The following ERAP1 variants were observed in gnomAD, a reference collection of about 807,000 sequenced individuals.
ERAP1 encodes the protein endoplasmic reticulum aminopeptidase 1, also known as adipocyte-derived leucine aminopeptidase.
Under a neutral mutation model 103.7 loss-of-function variants are expected in ERAP1, and 86 were observed. The observed-to-expected ratio is 0.83, with a 90% confidence interval of 0.70 to 0.99. The LOEUF is 0.99. ERAP1 is among the 50% of genes least tolerant of loss of function. The pLI, the probability that ERAP1 is intolerant of heterozygous loss-of-function variation, is 0.00. For missense variants in ERAP1, 1,009 were observed against 1,128.4 expected (o/e 0.89, Z 1.52); for synonymous variants, 398 against 402.4 (o/e 0.99, Z 0.13).
the ERAP1 span, chr5:96,823,056 G>A: frequency 3.3e-5 from 15 of 456,108 alleles, no homozygotes; most frequent in African/African-American, 2.4e-4. Context: ...ACTGGAGGCC[G>A]CCCTCATCTC....
the ERAP1 span, chr5:96,903,229 G>A: frequency 3.4e-6 from 2 of 586,838 alleles, no homozygotes; most frequent in Non-Finnish European, 5.7e-6. Flanking sequence ...ATCATCCAGT[G>A]AACTACGAAA....
the ERAP1 span, among the ~76,000 whole-genome samples, chr5:96,885,785 G>T: frequency 6.6e-6 from 1 of 152,134 alleles, no homozygotes; most frequent in South Asian, 2.1e-4. Flanking sequence ...TTCAGTATTT[G>T]GGGGCATTGT....
chr5:96,784,117 A>T (rs779671972), intron 13 of ERAP1, 37 bp from the exon 14 acceptor site: 2 of 1,611,432 alleles, frequency 1.2e-6, no homozygotes, highest in East Asian at 4.5e-5. Context: ...GTTTAAAAGT[A>T]AATCCGGGAA....
the ERAP1 span, among the ~76,000 whole-genome samples, chr5:96,881,817 A>C: frequency 6.6e-6 from 1 of 152,150 alleles, no homozygotes; most frequent in Non-Finnish European, 1.5e-5. Context: ...ACTTGAATCT[A>C]ACACTCTTTA....
upstream of ERAP1, chr5:96,808,262 T>TGTGTGTGTGTGTGTG (rs1189381131): frequency 4.3e-6 from 3 of 700,870 alleles, no homozygotes; most frequent in Admixed American, 1.1e-4. Flanking sequence ...GTGTGTGTGT[T>TGTGTGTGTGTGTGTG]GAGATGCTTT....
chr5:96,847,297 C>T, the ERAP1 span, among the ~76,000 whole-genome samples: 4 of 148,974 alleles, frequency 2.7e-5, no homozygotes, highest in Non-Finnish European at 4.5e-5. Flanking sequence ...ATACAGCTTT[C>T]AAAACTTGTT....
the ERAP1 span, among the ~76,000 whole-genome samples, chr5:96,852,108 TG>T: frequency 0.047 from 7,151 of 152,342 alleles, 210 homozygotes; most frequent in South Asian, 0.11. Flanking sequence ...ACTTACTCTG[TG>T]GGAAAAGCTT....
At chr5:96,883,704 G>A in the ERAP1 span, 3 of 1,365,096 alleles carry the variant, frequency 2.2e-6, no homozygotes, top group South Asian at 4.4e-5. Flanking sequence ...TTACCCCCAG[G>A]TTTGATAAGC....
intron 18 of ERAP1, among the ~76,000 whole-genome samples, chr5:96,777,511 A>G (rs1023276746): frequency 6.6e-6 from 1 of 152,310 alleles, no homozygotes; most frequent in East Asian, 1.9e-4. Context: ...AATGATGCAG[A>G]GTTGTTTTAA....
chr5:96,915,601 A>G, the ERAP1 span: 6 of 646,076 alleles, frequency 9.3e-6, no homozygotes, highest in Non-Finnish European at 2.4e-6. Flanking sequence ...CATAGTTATT[A>G]ATATACATTA....
chr5:96,777,718 A>C (rs1260942485), intron 18 of ERAP1, among the ~76,000 whole-genome samples: 1 of 152,222 alleles, frequency 6.6e-6, no homozygotes, highest in East Asian at 1.9e-4. Flanking sequence ...CAATAATTTT[A>C]CTAATTGTTC....
the ERAP1 span, chr5:96,814,425 T>C: frequency 4.7e-6 from 2 of 424,038 alleles, no homozygotes; most frequent in Non-Finnish European, 9.5e-6. Flanking sequence ...ATTTCTACTA[T>C]TATAATCTTA....
chr5:96,824,312 A>G, the ERAP1 span, among the ~76,000 whole-genome samples: 1 of 152,074 alleles, frequency 6.6e-6, no homozygotes, highest in Non-Finnish European at 1.5e-5. Context: ...CTGGGTTGGG[A>G]GCTCAGGTTC....
chr5:96,880,219 G>A, the ERAP1 span: 1 of 1,613,982 alleles, frequency 6.2e-7, no homozygotes, highest in Non-Finnish European at 8.5e-7. Context: ...GCTTTGAAGG[G>A]TTTTATAAAA....
the ERAP1 span, among the ~76,000 whole-genome samples, chr5:96,862,344 CT>C: frequency 6.6e-6 from 1 of 152,166 alleles, no homozygotes; most frequent in Admixed American, 6.5e-5. Context: ...CAAGACATTG[CT>C]ACCCAAGTGC....
the ERAP1 span, among the ~76,000 whole-genome samples, chr5:96,877,527 T>C: frequency 6.6e-6 from 1 of 152,240 alleles, no homozygotes; most frequent in Non-Finnish European, 1.5e-5. Context: ...TGCTGTGCTG[T>C]GCCAACTTCT....
the ERAP1 span, chr5:96,848,849 T>TA: frequency 6.6e-6 from 1 of 151,480 alleles, no homozygotes; most frequent in African/African-American, 2.4e-5. Flanking sequence ...AAGCTACAAA[T>TA]ATTTTTAATG....
the ERAP1 span, among the ~76,000 whole-genome samples, chr5:96,843,875 A>G: frequency 6.6e-6 from 1 of 152,198 alleles, no homozygotes; most frequent in Non-Finnish European, 1.5e-5. Context: ...TTCTTTCTTA[A>G]CTAATTGCAA....
the ERAP1 span, among the ~76,000 whole-genome samples, chr5:96,903,756 A>G: frequency 2.0e-5 from 3 of 152,228 alleles, no homozygotes; most frequent in Admixed American, 6.5e-5. Flanking sequence ...TTGTAATCCA[A>G]TATTTTAAAA....
Sources: gnomAD v4.1 joint callset for allele counts (sites outside exome capture counted in the v4.1 genomes callset) on GRCh38, gnomAD v4.1.1 for gene constraint, MANE v1.5 for transcripts, NCBI Gene and HGNC (gene_info 2026-07-23, HGNC 2026-07-21) for gene names.